NIPSNAP2: variants seen among roughly 807,000 people sequenced by gnomAD.
NIPSNAP2 encodes the protein protein NipSnap homolog 2.
A neutral mutation model predicts 48.4 loss-of-function variants in NIPSNAP2; 42 were observed. The ratio of observed to expected loss-of-function variants is 0.87; its 90% CI spans 0.68 to 1.12. The LOEUF (loss-of-function observed/expected upper bound fraction) is 1.12. Ranked by LOEUF, NIPSNAP2 falls within the 50% of genes most tolerant of loss-of-function variation. The pLI, the probability that NIPSNAP2 is intolerant of heterozygous loss-of-function variation, is 0.00. For missense variants in NIPSNAP2, 314 were observed against 347.3 expected, an observed-to-expected ratio of 0.90 and a Z score of 0.76; for synonymous variants, 158 against 126.6, an observed-to-expected ratio of 1.25 and a Z score of -1.67.
intron 3 of NIPSNAP2, 115 bp downstream of exon 3, chr7:55,978,510 T>C (rs1321025843): frequency 3.0e-6 from 3 of 984,266 alleles, no homozygotes; most frequent in Non-Finnish European, 4.4e-6. Context: ...CTTTTGAAGC[T>C]GAACATTCAG....
At chr7:55,969,046 G>GA (rs1280783939) in intron 1 of NIPSNAP2, among the ~76,000 whole-genome samples, 38 of 138,532 alleles carry the variant, frequency 2.7e-4, no homozygotes, top group African/African-American at 4.4e-4. Flanking sequence ...GGCCCTGTCT[G>GA]AAAAAAAAAA....
At chr7:55,979,550 G>A (rs1297631643) in intron 3 of NIPSNAP2, 1 of 334,542 alleles carries the variant, frequency 3.0e-6, no homozygotes, top group Admixed American at 3.9e-5. Flanking sequence ...CATGTATTTT[G>A]GTTCTCTTGT....
At chr7:55,976,009 C>T (rs1787099897) in intron 1 of NIPSNAP2, among the ~76,000 whole-genome samples, 1 of 151,596 alleles carries the variant, frequency 6.6e-6, no homozygotes, top group Admixed American at 6.6e-5. Flanking sequence ...TGCACTCCAG[C>T]CTGGCAACAG....
chr7:55,983,723 C>G lies in NIPSNAP2; in HGVS notation c.445-5C>G, dbSNP rs183420133. 8.3e-5 allele frequency: 134 copies of G among 1,611,888 alleles called. No individual in the cohort carries two copies. The African/African-American group carries it at 1.6e-3, about 19-fold the overall frequency. On this transcript the variant is annotated splice_polypyrimidine_tract_variant and splice_region_variant and intron_variant, in intron 5 of 9. Coordinates refer to ENST00000322090, the MANE Select transcript of NIPSNAP2 (RefSeq NM_001483.3). ...ATTTCATGAGCACATTTTTTTCACT[C>G]AAAGGAATTTTTGGAATTTCGTAAG...
In NIPSNAP2 at chr7:55,997,260, C is replaced by G. The variant is rs138631081; in HGVS notation, c.713-106C>G. 63 of 795,462 alleles carry G rather than the reference C, an allele frequency of 7.9e-5. No individual in the cohort carries two copies. The African/African-American group carries it at 9.0e-4, about 11-fold the overall frequency. 49.3% of individuals were successfully genotyped at this position (795,462 alleles called of 1,614,324 possible). On this transcript the variant is annotated intron_variant, in intron 8 of 9. Coordinates refer to ENST00000322090, the MANE Select transcript of NIPSNAP2 (RefSeq NM_001483.3). The stretch of plus-strand genomic sequence containing the variant: ...CAGTATATTACACACCTGAAGTAGT[C>G]CCTGAGAAAACTAGATGTCCAGGTG...
intron 7 of NIPSNAP2, among the ~76,000 whole-genome samples, chr7:55,986,153 GTTTGAGAC>G (rs1787326852): frequency 6.6e-6 from 1 of 151,786 alleles, no homozygotes; most frequent in Admixed American, 6.6e-5. Flanking sequence ...CAGCCCAGAC[GTTTGAGAC>G]TTTGAGACCA....
chr7:55,972,060 C>G (rs1787024289), intron 1 of NIPSNAP2, among the ~76,000 whole-genome samples: 1 of 152,088 alleles, frequency 6.6e-6, no homozygotes, highest in Admixed American at 6.6e-5. Flanking sequence ...AATTCCAGCA[C>G]TTTGGGAGGC....
chr7:55,994,980 A>G lies in NIPSNAP2; in HGVS notation c.704A>G (p.His235Arg). 6.2e-7 allele frequency: 1 copy of G among 1,613,710 alleles called. No individual in the cohort carries two copies. The highest frequency in any genetic ancestry group is 8.5e-7 in the Non-Finnish European group (1 of 1,179,570). ...ATTGGGCAGCTGTACATGGTGCACC[A>G]TCTTTGGGGTATCTGTTTTTCCCTT... ...SQIGQLYMVHHLWAYRDLQTR... is the reference protein window; with the variant it reads ...SQIGQLYMVHRLWAYRDLQTR... The change falls in exon 8 of 10, where the codon CAT (histidine) becomes CGT (arginine). Residue 235 changes from histidine to arginine, a missense_variant. By Grantham distance (29) the His-to-Arg change is conservative. This residue lies in a region of NIPSNAP2 where 116 missense variants were observed against 161.8 expected (regional missense o/e 0.72). Coordinates refer to ENST00000322090, the MANE Select transcript of NIPSNAP2 (RefSeq NM_001483.3).
At chr7:55,966,996 A>G (rs1436734921) in intron 1 of NIPSNAP2, among the ~76,000 whole-genome samples, 1 of 152,200 alleles carries the variant, frequency 6.6e-6, no homozygotes, top group Non-Finnish European at 1.5e-5. Flanking sequence ...ATGACAGAAG[A>G]AAACAGGATT....
At chr7:55,979,907 A>G (rs1346843619) in intron 3 of NIPSNAP2, 1 of 455,008 alleles carries the variant, frequency 2.2e-6, no homozygotes, top group East Asian at 7.0e-5. Flanking sequence ...GGCTCCTAAG[A>G]GCAGGTTTGG....
At chr7:55,965,146 C>T (rs1296693948) in intron 1 of NIPSNAP2, 4 of 152,330 alleles carry the variant, frequency 2.6e-5, no homozygotes, top group African/African-American at 7.2e-5. Flanking sequence ...ACCCTGGTCT[C>T]TGAGGTGCCG....
chr7:55,976,039 AGTGTGT>A (rs60119988), intron 1 of NIPSNAP2, among the ~76,000 whole-genome samples: 12,829 of 150,342 alleles, frequency 0.085, 659 homozygotes, highest in African/African-American at 0.14. Context: ...CTCTCAAAAA[AGTGTGT>A]GTGTGTGTGT....
At chr7:55,997,159 A>G (rs1421223837) in intron 8 of NIPSNAP2, among the ~76,000 whole-genome samples, 4 of 123,400 alleles carry the variant, frequency 3.2e-5, no homozygotes, top group Non-Finnish European at 5.5e-5. Flanking sequence ...CTTGTCTCAG[A>G]AAAAAAAAAA....
chr7:55,978,216 C>T lies in NIPSNAP2; in HGVS notation c.183C>T (p.His61=). ...VRKVDPRKDA[H]SNLLAKKETS... is the part of the protein sequence containing the mutation. ...AAGTTGATCCAAGAAAAGATGCCCA[C>T]TCCAATCTCCTAGCCAAAAAGGAAA... The change falls in exon 2 of 10, where the codon CAC becomes CAT. Residue 61 remains histidine (H), a synonymous_variant. Transcript: ENST00000322090. 1 of 1,614,198 alleles carries T rather than the reference C, an allele frequency of 6.2e-7. No individual in the cohort carries two copies. Among genetic ancestry groups the T allele is most frequent in the East Asian group, 2.2e-5 (1 of 44,882 alleles).
intron 1 of NIPSNAP2, among the ~76,000 whole-genome samples, chr7:55,967,188 C>G (rs943616986): frequency 6.6e-6 from 1 of 152,236 alleles, no homozygotes; most frequent in African/African-American, 2.4e-5. Flanking sequence ...CAGGATTTAA[C>G]TCCTCTTCCT....
At chr7:55,982,165 A>G (rs757643077) in intron 4 of NIPSNAP2, 45 bp from the exon 5 acceptor site, 11 of 1,211,108 alleles carry the variant, frequency 9.1e-6, no homozygotes, top group African/African-American at 7.5e-5. Flanking sequence ...AAGTAGTAGT[A>G]TCATGAAATT....
intron 3 of NIPSNAP2, chr7:55,980,707 C>G (rs1787196300): frequency 6.6e-6 from 1 of 152,330 alleles, no homozygotes; most frequent in South Asian, 2.1e-4. Flanking sequence ...AATTCATACA[C>G]TGCCGTGACC....
chr7:55,969,973 ACT>A (rs1177977904), intron 1 of NIPSNAP2, among the ~76,000 whole-genome samples: 2 of 138,248 alleles, frequency 1.4e-5, no homozygotes, highest in Non-Finnish European at 3.0e-5. Context: ...ACGGAGCGAG[ACT>A]CTGTCTCAAA....
At chr7:55,994,140 G>T (rs1251438623) in intron 7 of NIPSNAP2, among the ~76,000 whole-genome samples, 2 of 152,148 alleles carry the variant, frequency 1.3e-5, no homozygotes, top group South Asian at 2.1e-4. Flanking sequence ...TGCCCCAGGG[G>T]TGGTCCCTGT....
Sources: allele counts gnomAD v4.1 joint callset (sites outside exome capture counted in the v4.1 genomes callset), GRCh38; gene constraint gnomAD v4.1.1; regional missense constraint gnomAD v4.1.1; transcripts MANE v1.5; gene names NCBI Gene and HGNC (gene_info 2026-07-23, HGNC 2026-07-21).